ALDH1A2: variants seen among roughly 807,000 people sequenced by gnomAD.
The protein encoded by ALDH1A2 is aldehyde dehydrogenase 1 family member A2, also known as retinal dehydrogenase 2.
Under a neutral mutation model 60.3 loss-of-function variants are expected in ALDH1A2, and 27 were observed. That is an observed-to-expected ratio of 0.45 (90% confidence interval 0.33 to 0.62). The LOEUF (loss-of-function observed/expected upper bound fraction) is 0.62, where lower values mean the gene tolerates loss of function less well. Ranked by LOEUF, ALDH1A2 falls within the 20% of genes least tolerant of loss-of-function variation. ALDH1A2 has a pLI of 0.02. For synonymous variants in ALDH1A2, 289 were observed against 232.4 expected (o/e 1.24, Z -2.21); for missense variants, 581 against 643.8 (o/e 0.90, Z 1.06).
At chr15:57,984,415 C>T (rs933785596) in intron 7 of ALDH1A2, among the ~76,000 whole-genome samples, 1 of 152,172 alleles carries the variant, frequency 6.6e-6, no homozygotes, top group Non-Finnish European at 1.5e-5. Flanking sequence ...TTGATGTGTA[C>T]AATTCAGTGG....
At chr15:58,052,949 T>C (rs1413906270) in intron 1 of ALDH1A2, among the ~76,000 whole-genome samples, 2 of 152,222 alleles carry the variant, frequency 1.3e-5, no homozygotes, top group Non-Finnish European at 2.9e-5. Flanking sequence ...ATTCACTTTC[T>C]AGTCCTGGCA....
chr15:58,041,843 T>C (rs1264747082), intron 1 of ALDH1A2, among the ~76,000 whole-genome samples: 1 of 151,966 alleles, frequency 6.6e-6, no homozygotes, highest in Non-Finnish European at 1.5e-5. Flanking sequence ...CTCCTATACA[T>C]ACATACCTAG....
chr15:57,964,359 A>T (rs1332116239), intron 8 of ALDH1A2: 4 of 378,608 alleles, frequency 1.1e-5, no homozygotes, highest in Non-Finnish European at 2.0e-5. Context: ...CTTGGGAGAT[A>T]AGGTACAGGT....
rs147659633 is a variant in ALDH1A2, at chr15:58,004,904, C to T, written c.493+5745G>A. 2.0e-5 allele frequency among the ~76,000 whole-genome samples: 3 copies of T among 151,202 alleles called. 1 individual carries two copies. The highest frequency in any genetic ancestry group is 1.3e-4 in the Admixed American group (2 of 15,074). ...CACCGATGACACAAATGGAAAAACA[C>T]CCCATGTTCATGGATTAGAAGACTC... On this transcript the variant is annotated intron_variant, in intron 4 of 12. Transcript: ENST00000249750.
At chr15:57,969,220 T>C (rs1314286406) in intron 7 of ALDH1A2, among the ~76,000 whole-genome samples, 4 of 152,180 alleles carry the variant, frequency 2.6e-5, no homozygotes, top group Non-Finnish European at 5.9e-5. Flanking sequence ...CCAGGTACAC[T>C]GTTGGGCATA....
intron 9 of ALDH1A2, among the ~76,000 whole-genome samples, chr15:57,962,611 G>C (rs1393198636): frequency 2.0e-5 from 3 of 152,036 alleles, no homozygotes; most frequent in Admixed American, 6.6e-5. Flanking sequence ...CAATCTTATT[G>C]TGGTTTGTTT....
chr15:57,967,191 C>G (rs888807036), intron 7 of ALDH1A2, among the ~76,000 whole-genome samples: 8 of 136,986 alleles, frequency 5.8e-5, no homozygotes, highest in African/African-American at 2.2e-4. Context: ...TTTTTTTTAA[C>G]CAGTTCTGTC....
chr15:57,985,180 T>G (rs1894655484), intron 7 of ALDH1A2, among the ~76,000 whole-genome samples: 1 of 152,202 alleles, frequency 6.6e-6, no homozygotes, highest in Admixed American at 6.5e-5. Context: ...TCCCAGTTCA[T>G]CTGACTCCCA....
rs1378660154 is a variant in ALDH1A2, at chr15:58,004,816, A to G, written c.493+5833T>C. ...AATAGCCCCTCCAAAATACCTAACA[A>G]TATTTAATTAAGGAGGTGAAAGATC... On this transcript the variant is annotated intron_variant, in intron 4 of 12. Transcript: ENST00000249750. Among the ~76,000 whole-genome samples, 4 of 150,074 alleles carry G rather than the reference A, an allele frequency of 2.7e-5. No homozygotes were observed. The East Asian group carries it at 5.9e-4, about 22-fold the overall frequency.
intron 1 of ALDH1A2, among the ~76,000 whole-genome samples, chr15:58,032,669 A>C (rs867343826): frequency 2.0e-5 from 3 of 152,060 alleles, no homozygotes; most frequent in Non-Finnish European, 4.4e-5. Flanking sequence ...AAGCAATCCC[A>C]CTATTGGTTA....
chr15:57,992,755 T>C lies in ALDH1A2; in HGVS notation c.748A>G (p.Ile250Val), dbSNP rs766485133. The C allele has an allele frequency of 5.6e-6, 9 of 1,614,148 alleles. 1 individual carries two copies. In the East Asian group the frequency reaches 6.7e-5, roughly 12 times the overall value. The change falls in exon 7 of 13, where the codon ATA (isoleucine) becomes GTA (valine). Residue 250 changes from isoleucine to valine, a missense_variant. Around this residue, in one of 2 missense-constraint regions of ALDH1A2, gnomAD observed 375 missense variants for 469.7 expected, o/e 0.80. Coordinates refer to ENST00000249750, the MANE Select transcript of ALDH1A2 (RefSeq NM_003888.4). ...PGYGPTAGAA[I>V]ASHIGIDKIA... ...TTGTCTATGCCAATGTGAGAAGCTATTGCTGCCCCAGCCGTTGGCCCATAT... is the reference window on the plus strand; with the variant it reads ...TTGTCTATGCCAATGTGAGAAGCTACTGCTGCCCCAGCCGTTGGCCCATAT...
intron 1 of ALDH1A2, among the ~76,000 whole-genome samples, chr15:58,019,226 T>C (rs1431368987): frequency 1.3e-5 from 2 of 152,144 alleles, no homozygotes; most frequent in African/African-American, 4.8e-5. Context: ...CCCAAACAAA[T>C]TTGTTAAACG....
chr15:57,992,440 A>G (rs35657390), intron 7 of ALDH1A2, among the ~76,000 whole-genome samples: 3 of 152,182 alleles, frequency 2.0e-5, no homozygotes, highest in Admixed American at 1.3e-4. Flanking sequence ...GCTATTCAAC[A>G]AAGTGTCTAG....
chr15:57,955,755 C>CA (rs1416270640), intron 12 of ALDH1A2, among the ~76,000 whole-genome samples: 16 of 152,234 alleles, frequency 1.1e-4, no homozygotes, highest in Admixed American at 6.5e-4. Context: ...CTTTCCTCCC[C>CA]CAAGACGGAG....
rs780416747 is a variant in ALDH1A2, at chr15:58,013,877, C to T, written c.344G>A (p.Arg115Gln). ...LLDKLADLVE[R>Q]DRAVLATMES... Reference sequence around the variant, plus strand: ...ACTTACTGCAAGAACTGCCCTGTCCCGTTCCACCAAGTCTGCAAGCTTATC... The same window carrying T: ...ACTTACTGCAAGAACTGCCCTGTCCTGTTCCACCAAGTCTGCAAGCTTATC... The change falls in exon 3 of 13, where the codon CGG becomes CAG. Residue 115 changes from arginine to glutamine, a missense_variant. Transcript: ENST00000249750. 6.2e-6 allele frequency: 10 copies of T among 1,614,048 alleles called. No homozygotes were observed. The highest frequency in any genetic ancestry group is 2.2e-5 in the East Asian group (1 of 44,894).
chr15:58,029,278 C>G (rs956242705), intron 1 of ALDH1A2, among the ~76,000 whole-genome samples: 2 of 152,138 alleles, frequency 1.3e-5, no homozygotes, highest in African/African-American at 2.4e-5. Context: ...ACTGAACAAC[C>G]TGCTCCTGAA....
At chr15:58,019,089 C>A (rs542434898) in intron 1 of ALDH1A2, among the ~76,000 whole-genome samples, 2 of 152,086 alleles carry the variant, frequency 1.3e-5, no homozygotes, top group East Asian at 3.9e-4. Flanking sequence ...GAAGTGTACA[C>A]AGAAATTTTT....
At chr15:58,025,317 A>T (rs543102078) in intron 1 of ALDH1A2, among the ~76,000 whole-genome samples, 4 of 152,308 alleles carry the variant, frequency 2.6e-5, no homozygotes, top group Admixed American at 2.6e-4. Flanking sequence ...AGAAGAATCA[A>T]ACAAAATCAG....
rs768087290 is a variant in ALDH1A2, at chr15:58,019,147, T to A, written c.118-4866A>T. Among the ~76,000 whole-genome samples the A allele has an allele frequency of 2.4e-4, 37 of 152,124 alleles. 1 individual carries two copies. The highest frequency in any genetic ancestry group is 9.2e-4 in the Admixed American group (14 of 15,282). The stretch of plus-strand genomic sequence containing the variant: ...TTGTAAATCTGAAATTATTTCAAAA[T>A]GGAAAGCAAAAAAAAAAGTTTAAAA... On this transcript the variant is annotated intron_variant, in intron 1 of 12. Coordinates refer to ENST00000249750, the MANE Select transcript of ALDH1A2 (RefSeq NM_003888.4).
Sources: allele counts gnomAD v4.1 joint callset (sites outside exome capture counted in the v4.1 genomes callset), GRCh38; gene constraint gnomAD v4.1.1; regional missense constraint gnomAD v4.1.1; transcripts MANE v1.5; gene names NCBI Gene and HGNC (gene_info 2026-07-23, HGNC 2026-07-21).